Variants in NEK2 observed in about 807,000 individuals in gnomAD.
The protein encoded by NEK2 is serine/threonine-protein kinase Nek2.
In NEK2, 28 loss-of-function variants were observed where a neutral mutation model predicts 54.1. The observed-to-expected ratio is 0.52, with a 90% CI of 0.38 to 0.71. NEK2 has a LOEUF of 0.71. Ranked by LOEUF, NEK2 falls within the 30% of genes least tolerant of loss-of-function variation. The pLI is 0.00. For synonymous variants in NEK2, 176 were observed against 193.1 expected, an observed-to-expected ratio of 0.91 and a Z score of 0.73; for missense variants, 407 against 531.5, an observed-to-expected ratio of 0.77 and a Z score of 2.30.
At chr1:211,660,859 G>T, downstream of NEK2, 1 of 716,028 alleles carries the variant, frequency 1.4e-6, no homozygotes, top group Non-Finnish European at 2.6e-6. Flanking sequence ...CAGAAGCATA[G>T]CATCATTGAC....
At chr1:211,664,016 C>A (rs1655096746) in intron 7 of NEK2, among the ~76,000 whole-genome samples, 1 of 151,190 alleles carries the variant, frequency 6.6e-6, no homozygotes. Flanking sequence ...ATGCAGAACA[C>A]CTTACCTACA....
downstream of NEK2, chr1:211,660,960 G>A (rs890212586): frequency 4.0e-6 from 3 of 746,736 alleles, no homozygotes; most frequent in Non-Finnish European, 7.5e-6. Context: ...CCACGAGGAA[G>A]AAAGCTTGCA....
In NEK2 at chr1:211,662,922, T is replaced by C. The variant is rs11119788; in HGVS notation, c.*504A>G. On this transcript the variant is annotated 3_prime_UTR_variant, in exon 8 of 8. Transcript: ENST00000366999. This position sits in a 1 kb window ranked among gnomAD's most constrained non-coding sequence, Gnocchi z 4.2. Reference sequence around the variant, plus strand: ...CTAACAGATTTGAACTACAGAGCAATGGAATATTTATAAGCAAGATGTCAT... The same window carrying C: ...CTAACAGATTTGAACTACAGAGCAACGGAATATTTATAAGCAAGATGTCAT... 1,905 of 986,864 alleles carry C rather than the reference T, an allele frequency of 1.9e-3. 33 individuals carry two copies. The African/African-American group carries it at 0.031, about 16-fold the overall frequency. 61.1% of individuals were successfully genotyped at this position (986,864 alleles called of 1,614,324 possible). A position where few individuals can be genotyped will look rare whatever the true frequency, so the allele number is the denominator to read the frequency against.
downstream of NEK2, chr1:211,662,771 C>G (rs570738916): frequency 1.0e-6 from 1 of 984,530 alleles, no homozygotes; most frequent in African/African-American, 1.8e-5. The surrounding 1 kb of genome is among the most constrained non-coding windows in gnomAD (Gnocchi z 4.2). Context: ...AGACACATAA[C>G]TACAGGGAAA....
downstream of NEK2, chr1:211,660,712 C>A (rs999031264): frequency 1.3e-5 from 9 of 675,102 alleles, no homozygotes; most frequent in Non-Finnish European, 2.0e-5. Flanking sequence ...TCCACATTGC[C>A]CTGGGGGTGC....
downstream of NEK2, chr1:211,662,770 A>C: frequency 5.1e-6 from 5 of 984,952 alleles, 1 homozygote; most frequent in South Asian, 1.9e-4. The surrounding 1 kb of genome is among the most constrained non-coding windows in gnomAD (Gnocchi z 4.2). Context: ...AAGACACATA[A>C]CTACAGGGAA....
At chr1:211,672,906 T>C (rs17017917) in intron 3 of NEK2, among the ~76,000 whole-genome samples, 1,911 of 152,158 alleles carry the variant, frequency 0.013, 47 homozygotes, top group African/African-American at 0.043. Context: ...CAGTGAGAGA[T>C]GACAAACGGC....
At position 211,665,764 on chromosome 1, in the gene NEK2, G is replaced by A. The variant is rs115894667; in HGVS notation, c.1111+1342C>T. On this transcript the variant is annotated intron_variant, in intron 7 of 7. Transcript: ENST00000366999. ...ATCCTTGTTTCATTTACTTCTATCA[G>A]TAGTTTCATTTCTTTCCATCACTTA... 7.3e-3 allele frequency among the ~76,000 whole-genome samples: 1,110 copies of A among 152,300 alleles called. 18 individuals are homozygous for A. Among genetic ancestry groups the A allele is most frequent in the African/African-American group, 0.025 (1,042 of 41,564 alleles).
intron 5 of NEK2, among the ~76,000 whole-genome samples, chr1:211,669,998 G>C (rs1655318685): frequency 6.6e-6 from 1 of 152,192 alleles, no homozygotes; most frequent in Non-Finnish European, 1.5e-5. Context: ...GCAAGGACAA[G>C]GGGAACGAGA....
downstream of NEK2, chr1:211,660,626 C>CTA: frequency 1.5e-6 from 1 of 647,128 alleles, no homozygotes. Flanking sequence ...ATGGCTGCAG[C>CTA]TATAGGAAGG....
chr1:211,674,693 C>G (rs10494938), intron 1 of NEK2, among the ~76,000 whole-genome samples, 180 bp from the exon 2 acceptor site: 20,752 of 152,194 alleles, frequency 0.14, 1,746 homozygotes, highest in African/African-American at 0.23. Flanking sequence ...TCCTCCAGTT[C>G]TAAGCAGTAA....
Position 211,675,538 on chromosome 1 carries a change from C to G in NEK2, c.-59G>C, listed in dbSNP as rs1426607685. On this transcript the variant is annotated 5_prime_UTR_variant, in exon 1 of 8. Transcript: ENST00000366999. ...GCAGGTTGCGCCGCCAAGTGCGGAG[C>G]TCCAGGGACCAGGAACTCCAGGGAC... is the stretch of plus-strand genomic sequence containing the variant. 11 of 1,443,962 alleles carry G rather than the reference C, an allele frequency of 7.6e-6. No individual in the cohort carries two copies. Among genetic ancestry groups the G allele is most frequent in the Non-Finnish European group, 1.1e-5 (11 of 1,028,700 alleles). The allele number at this position is 1,443,962 out of a possible 1,614,324, so 89.4% of individuals were successfully genotyped here. A position where few individuals can be genotyped will look rare whatever the true frequency, so the allele number is the denominator to read the frequency against.
Position 211,671,285 on chromosome 1 carries a change from C to A in NEK2, c.556-1G>T. 3 of 1,610,482 alleles carry A rather than the reference C, an allele frequency of 1.9e-6. No homozygotes were observed. The highest frequency in any genetic ancestry group is 2.5e-6 in the Non-Finnish European group (3 of 1,176,918). On this transcript the variant is annotated splice_acceptor_variant, in intron 3 of 7. Coordinates refer to ENST00000366999, the MANE Select transcript of NEK2 (RefSeq NM_002497.4). LOFTEE classifies it high-confidence loss of function. ...TGTAGGACATGCGATTCATTTGTTC[C>A]TATACAGGGAAAAAGGGTAAGAAAG...
downstream of NEK2, among the ~76,000 whole-genome samples, chr1:211,658,902 G>A (rs963607256): frequency 6.6e-6 from 1 of 151,940 alleles, no homozygotes; most frequent in Non-Finnish European, 1.5e-5. Flanking sequence ...AACAGGATGG[G>A]TCACTACTGC....
chr1:211,661,186 G>T, downstream of NEK2: 2 of 733,712 alleles, frequency 2.7e-6, no homozygotes, highest in Non-Finnish European at 5.1e-6. Flanking sequence ...CTAACAATCC[G>T]GGAGAAGTGC....
In NEK2 at chr1:211,663,286, C is replaced by A; in HGVS notation, c.*140G>T. The A allele has an allele frequency of 4.2e-6, 6 of 1,418,738 alleles. No homozygotes were observed. Among genetic ancestry groups the A allele is most frequent in the South Asian group, 1.7e-5 (1 of 58,272 alleles). 87.9% of individuals were successfully genotyped at this position (1,418,738 alleles called of 1,614,324 possible). A position where few individuals can be genotyped will look rare whatever the true frequency, so the allele number is the denominator to read the frequency against. On this transcript the variant is annotated 3_prime_UTR_variant, in exon 8 of 8. Transcript: ENST00000366999. ...CAATAGTTGCTGAAGAACAGTAAAA[C>A]CAATTCCGAAATATCATGTGTACTA...
In NEK2 at chr1:211,675,570, G is replaced by A. The variant is rs1655559225; in HGVS notation, c.-91C>T. Reference sequence around the variant, plus strand: ...GACCAGGAACTCCAGGGACCTGGATGGAGAAGCCCCCGAGCAGCACTGACC... The same window carrying A: ...GACCAGGAACTCCAGGGACCTGGATAGAGAAGCCCCCGAGCAGCACTGACC... On this transcript the variant is annotated 5_prime_UTR_variant, in exon 1 of 8. Transcript: ENST00000366999. 1 of 1,074,888 alleles carries A rather than the reference G, an allele frequency of 9.3e-7. No homozygotes were observed. Among genetic ancestry groups the A allele is most frequent in the African/African-American group, 1.6e-5 (1 of 64,486 alleles). The allele number at this position is 1,074,888 out of a possible 1,614,324, so 66.6% of individuals were successfully genotyped here.
Position 211,663,302 on chromosome 1 carries a change from A to G in NEK2, c.*124T>C. 1 of 1,451,106 alleles carries G rather than the reference A, an allele frequency of 6.9e-7. No homozygotes were observed. Among genetic ancestry groups the G allele is most frequent in the Non-Finnish European group, 9.1e-7 (1 of 1,099,562 alleles). 89.9% of individuals were successfully genotyped at this position (1,451,106 alleles called of 1,614,324 possible). ...ACAGTAAAACCAATTCCGAAATATC[A>G]TGTGTACTATACAGAAAGGCATGGC... On this transcript the variant is annotated 3_prime_UTR_variant, in exon 8 of 8. Transcript: ENST00000366999.
chr1:211,660,477 A>G (rs1654989755), downstream of NEK2: 2 of 675,386 alleles, frequency 3.0e-6, no homozygotes, highest in Non-Finnish European at 5.6e-6. Flanking sequence ...CCTAGATGGC[A>G]GTGCCAACTT....
Sources: gnomAD v4.1 joint callset for allele counts (sites outside exome capture counted in the v4.1 genomes callset) on GRCh38, gnomAD v4.1.1 for gene constraint, Gnocchi (gnomAD v3.1) non-coding constraint, MANE v1.5 for transcripts, NCBI Gene and HGNC (gene_info 2026-07-23, HGNC 2026-07-21) for gene names.